Variants in TOM1L2 observed in about 807,000 individuals in gnomAD.
TOM1L2 encodes target of myb1 like 2 membrane trafficking protein, also known as TOM1-like protein 2.
A neutral mutation model predicts 67.9 loss-of-function variants in TOM1L2; 31 were observed. That is an observed-to-expected ratio of 0.46 (90% confidence interval 0.34 to 0.62). TOM1L2 has a LOEUF of 0.62. TOM1L2 is among the 20% of genes least tolerant of loss of function. TOM1L2 has a pLI of 0.01. For synonymous variants in TOM1L2, 256 were observed against 254.0 expected (o/e 1.01, Z -0.07); for missense variants, 606 against 663.5 (o/e 0.91, Z 0.95).
At chr17:17,935,477 C>T (rs2040481690) in intron 1 of TOM1L2, among the ~76,000 whole-genome samples, 1 of 152,240 alleles carries the variant, frequency 6.6e-6, no homozygotes, top group African/African-American at 2.4e-5. Flanking sequence ...CATCCTCTTA[C>T]TGCTCTTTCT....
At position 17,882,782 on chromosome 17, in the gene TOM1L2, G is replaced by A; in HGVS notation, c.583C>T (p.Pro195Ser). 2.5e-6 allele frequency: 4 copies of A among 1,614,214 alleles called. No homozygotes were observed. The highest frequency in any genetic ancestry group is 1.7e-5 in the Admixed American group (1 of 60,032). Residue 195 changes from proline to serine, a missense_variant, in exon 6 of 15, where the codon CCG becomes TCG. This residue lies in a region of TOM1L2 where 543 missense variants were observed against 554.0 expected (regional missense o/e 0.98). Coordinates refer to ENST00000379504, the MANE Select transcript of TOM1L2 (RefSeq NM_001082968.2). Reference sequence around the variant, plus strand: ...GGTGCGGAGTAGGGAGCAGGAGGCGGCGAGGAATAGGAACCAGCACTTGTC... The same window carrying A: ...GGTGCGGAGTAGGGAGCAGGAGGCGACGAGGAATAGGAACCAGCACTTGTC... The part of the protein sequence containing the change: ...QRTSAGSYSS[P>S]PPAPYSAPQA...
chr17:17,898,723 A>G, intron 2 of TOM1L2, 49 bp from the exon 3 acceptor site: 2 of 1,580,976 alleles, frequency 1.3e-6, no homozygotes, highest in Non-Finnish European at 1.7e-6. Context: ...CCACTTGAGG[A>G]CACGATCCTA....
rs2035631711 is a variant in TOM1L2, at chr17:17,846,119, G to GACCATGTC, written c.*1508_*1515dup. The GACCATGTC allele has an allele frequency of 6.6e-6, 1 of 152,262 alleles. No individual in the cohort carries two copies. The highest frequency in any genetic ancestry group is 6.5e-5 in the Admixed American group (1 of 15,284). 9.4% of individuals were successfully genotyped at this position (152,262 alleles called of 1,614,324 possible). A position where few individuals can be genotyped will look rare whatever the true frequency, so the allele number is the denominator to read the frequency against. ...GTCGCCATCCTGAATGCTCCCCAAC[G>GACCATGTC]ACCATGTCGCTGGTCTCTTCTCCCG... On this transcript the variant is annotated 3_prime_UTR_variant, in exon 15 of 15. Coordinates refer to ENST00000379504, the MANE Select transcript of TOM1L2 (RefSeq NM_001082968.2).
intron 4 of TOM1L2, among the ~76,000 whole-genome samples, chr17:17,892,901 C>G (rs2038365351): frequency 6.6e-6 from 1 of 152,158 alleles, no homozygotes; most frequent in South Asian, 2.1e-4. Flanking sequence ...GGCTTCCTGC[C>G]AACAGCCATG....
intron 1 of TOM1L2, 70 bp from the exon 2 acceptor site, chr17:17,907,601 G>A: frequency 7.2e-7 from 1 of 1,392,006 alleles, no homozygotes; most frequent in South Asian, 1.2e-5. Flanking sequence ...GAAATGGGAA[G>A]AGACCAGAAC....
chr17:17,965,270 T>C (rs1411346371), intron 1 of TOM1L2, among the ~76,000 whole-genome samples: 1 of 152,162 alleles, frequency 6.6e-6, no homozygotes, highest in Non-Finnish European at 1.5e-5. Context: ...TTCAAACTAC[T>C]TAGCCAACAT....
intron 1 of TOM1L2, among the ~76,000 whole-genome samples, chr17:17,958,169 A>G (rs1173841019): frequency 2.6e-5 from 4 of 152,226 alleles, no homozygotes; most frequent in African/African-American, 7.2e-5. Flanking sequence ...GAACTTGGAA[A>G]GCTTGTTCAA....
chr17:17,947,608 C>G (rs559002754), intron 1 of TOM1L2, among the ~76,000 whole-genome samples: 1 of 152,312 alleles, frequency 6.6e-6, no homozygotes, highest in African/African-American at 2.4e-5. Context: ...GCCTCCAGAA[C>G]TATGAGAAAA....
At chr17:17,907,585 T>G in intron 1 of TOM1L2, 54 bp from the exon 2 acceptor site, 3 of 1,511,618 alleles carry the variant, frequency 2.0e-6, no homozygotes, top group Non-Finnish European at 2.7e-6. Flanking sequence ...AAGTGGGCCT[T>G]GGCAGGAAAT....
rs1450816942 is a variant in TOM1L2, at chr17:17,865,445, C to T, written c.1084+851G>A. Among the ~76,000 whole-genome samples, 6 of 152,148 alleles carry T rather than the reference C, an allele frequency of 3.9e-5. No individual in the cohort carries two copies. The South Asian group carries it at 6.2e-4, about 16-fold the overall frequency. On this transcript the variant is annotated intron_variant, in intron 10 of 14. Coordinates refer to ENST00000379504, the MANE Select transcript of TOM1L2 (RefSeq NM_001082968.2). ...AGGCTGGAGTGCAATGGCGCGATCTCGGCTCACTGCAACCTCTGCTTCCCG... is the reference window on the plus strand; with the variant it reads ...AGGCTGGAGTGCAATGGCGCGATCTTGGCTCACTGCAACCTCTGCTTCCCG...
chr17:17,926,412 A>C (rs1379753119), intron 1 of TOM1L2, among the ~76,000 whole-genome samples: 1 of 152,174 alleles, frequency 6.6e-6, no homozygotes, highest in African/African-American at 2.4e-5. Flanking sequence ...CTGGACTGGC[A>C]CAAGGGGAGA....
intron 1 of TOM1L2, among the ~76,000 whole-genome samples, chr17:17,955,757 G>A (rs2144955328): frequency 6.6e-6 from 1 of 152,304 alleles, no homozygotes; most frequent in Middle Eastern, 3.4e-3. Flanking sequence ...GACCCTCGCA[G>A]TTAGTTTTAC....
In TOM1L2 at chr17:17,882,728, G is replaced by T. The variant is rs146710625; in HGVS notation, c.637C>A (p.Pro213Thr). Reference sequence around the variant, plus strand: ...ACCTGTTCTGAATTGGCTGTGATGGGGCCAGTCACACTCAGAGCTGGGGCC... The same window carrying T: ...ACCTGTTCTGAATTGGCTGTGATGGTGCCAGTCACACTCAGAGCTGGGGCC... ...PQAPALSVTG[P>T]ITANSEQIAR... Residue 213 changes from proline to threonine, a missense_variant, in exon 6 of 15, where the codon CCC becomes ACC. By Grantham distance (38) the Pro-to-Thr change is conservative. Around this residue, in one of 2 missense-constraint regions of TOM1L2, gnomAD observed 543 missense variants for 554.0 expected, o/e 0.98. Coordinates refer to ENST00000379504, the MANE Select transcript of TOM1L2 (RefSeq NM_001082968.2). 205 of 1,614,194 alleles carry T rather than the reference G, an allele frequency of 1.3e-4. No homozygotes were observed. The African/African-American group carries it at 2.4e-3, about 19-fold the overall frequency.
chr17:17,945,267 TACACACACAC>T (rs143501362), intron 1 of TOM1L2, among the ~76,000 whole-genome samples: 3 of 147,060 alleles, frequency 2.0e-5, no homozygotes, highest in Admixed American at 1.3e-4. Context: ...CACACACACA[TACACACACAC>T]ACACACACAC....
intron 12 of TOM1L2, chr17:17,858,226 A>ATTT (rs10664045): frequency 0.017 from 2,600 of 157,056 alleles, 26 homozygotes; most frequent in African/African-American, 0.038. Flanking sequence ...TTTTTCCTAC[A>ATTT]TTTTTTTTTT....
chr17:17,931,272 G>A (rs1049909974), intron 1 of TOM1L2, among the ~76,000 whole-genome samples: 3 of 152,056 alleles, frequency 2.0e-5, no homozygotes, highest in African/African-American at 7.3e-5. Flanking sequence ...CCAATCAAAA[G>A]AGGTCTCATT....
rs765717747 is a variant in TOM1L2 at position 17,866,938 on chromosome 17, G to T, written c.912-14C>A. 7 of 1,613,792 alleles carry T rather than the reference G, an allele frequency of 4.3e-6. No homozygotes were observed. In the South Asian group the frequency reaches 6.6e-5, roughly 15 times the overall value. On this transcript the variant is annotated splice_polypyrimidine_tract_variant and intron_variant, in intron 8 of 14. Coordinates refer to ENST00000379504, the MANE Select transcript of TOM1L2 (RefSeq NM_001082968.2). Reference sequence around the variant, plus strand: ...TATCGTTCGAACCTAACAGGGGAAGGGAAAGCAGAAGTAAGGAGAGAGGAT... The same window carrying T: ...TATCGTTCGAACCTAACAGGGGAAGTGAAAGCAGAAGTAAGGAGAGAGGAT...
At chr17:17,892,313 C>T (rs2144198744) in intron 4 of TOM1L2, among the ~76,000 whole-genome samples, 1 of 152,334 alleles carries the variant, frequency 6.6e-6, no homozygotes, top group South Asian at 2.1e-4. Context: ...CTGCCTCTGC[C>T]TGGTTGCCTC....
chr17:17,931,053 T>C (rs1027034651), intron 1 of TOM1L2, among the ~76,000 whole-genome samples: 1 of 152,202 alleles, frequency 6.6e-6, no homozygotes, highest in African/African-American at 2.4e-5. Context: ...TAACTTAGCC[T>C]GGTATTAACT....
Sources: allele counts gnomAD v4.1 joint callset (sites outside exome capture counted in the v4.1 genomes callset), GRCh38; gene constraint gnomAD v4.1.1; regional missense constraint gnomAD v4.1.1; transcripts MANE v1.5; gene names NCBI Gene and HGNC (gene_info 2026-07-23, HGNC 2026-07-21).